INPP4B: variants seen among roughly 807,000 people sequenced by gnomAD.
INPP4B encodes inositol polyphosphate 4-phosphatase type II.
Under a neutral mutation model 122.5 loss-of-function variants are expected in INPP4B, and 55 were observed. That is an observed-to-expected ratio of 0.45 (90% CI 0.36 to 0.56). The LOEUF is 0.56. Among genes scored for constraint, INPP4B ranks in the 20% least tolerant of loss-of-function variants. The pLI is 0.00. For missense variants in INPP4B, 1,000 were observed against 1,097.7 expected (o/e 0.91, Z 1.26); for synonymous variants, 403 against 388.7 (o/e 1.04, Z -0.43).
intron 9 of INPP4B, among the ~76,000 whole-genome samples, chr4:142,271,503 T>G (rs1409267261): frequency 6.6e-6 from 1 of 152,218 alleles, no homozygotes; most frequent in Non-Finnish European, 1.5e-5. Flanking sequence ...AGTATAAATA[T>G]TCTTATCTTC....
At chr4:142,515,864 T>A in intron 2 of INPP4B, among the ~76,000 whole-genome samples, 1 of 152,186 alleles carries the variant, frequency 6.6e-6, no homozygotes, top group South Asian at 2.1e-4. Context: ...AAAATTTAAA[T>A]GCTTGTTTTA....
chr4:142,771,037 C>T (rs1772981414), intron 1 of INPP4B, among the ~76,000 whole-genome samples: 1 of 152,116 alleles, frequency 6.6e-6, no homozygotes, highest in Non-Finnish European at 1.5e-5. Context: ...CCAGTATGGG[C>T]TACAGAGAAC....
intron 25 of INPP4B, among the ~76,000 whole-genome samples, chr4:142,036,012 A>G (rs1294709347): frequency 6.6e-6 from 1 of 152,054 alleles, no homozygotes; most frequent in African/African-American, 2.4e-5. Flanking sequence ...ATGGACAGTG[A>G]GCTTAGTACC....
chr4:142,460,414 T>C (rs1439974130), intron 3 of INPP4B, among the ~76,000 whole-genome samples: 2 of 152,190 alleles, frequency 1.3e-5, no homozygotes, highest in East Asian at 1.9e-4. Context: ...TGGTGTCAGA[T>C]AACATGCTCC....
chr4:142,270,518 T>C (rs1042104604), intron 10 of INPP4B, 145 bp downstream of exon 10: 8 of 641,766 alleles, frequency 1.2e-5, no homozygotes, highest in African/African-American at 7.3e-5. Flanking sequence ...GAAACACACA[T>C]ATTGTATTCC....
chr4:142,771,290 T>C (rs1773024683), intron 1 of INPP4B, among the ~76,000 whole-genome samples: 1 of 152,160 alleles, frequency 6.6e-6, no homozygotes, highest in South Asian at 2.1e-4. Flanking sequence ...GGCCATTGGA[T>C]AATGTAGTTA....
At chr4:142,226,850 G>T (rs1042243858) in intron 12 of INPP4B, among the ~76,000 whole-genome samples, 1 of 152,056 alleles carries the variant, frequency 6.6e-6, no homozygotes, top group African/African-American at 2.4e-5. Flanking sequence ...AAAAACAAAA[G>T]GACATGTTCT....
chr4:142,209,357 T>G (rs184844051), intron 12 of INPP4B, among the ~76,000 whole-genome samples: 1 of 152,116 alleles, frequency 6.6e-6, no homozygotes, highest in African/African-American at 2.4e-5. Context: ...AAAACCTCTA[T>G]GTAAAGATGG....
chr4:142,481,133 CA>C (rs551228788), intron 2 of INPP4B, among the ~76,000 whole-genome samples: 5,927 of 57,834 alleles, frequency 0.1, 68 homozygotes, highest in East Asian at 0.14. Flanking sequence ...GACTCTGTCT[CA>C]AAAAAAAAAA....
chr4:142,387,573 G>C (rs1178924880), intron 7 of INPP4B, among the ~76,000 whole-genome samples: 1 of 152,036 alleles, frequency 6.6e-6, no homozygotes, highest in Non-Finnish European at 1.5e-5. Flanking sequence ...TAGGTCACTA[G>C]GGCCACTCAG....
intron 11 of INPP4B, among the ~76,000 whole-genome samples, chr4:142,257,550 A>G (rs1736955217): frequency 1.3e-5 from 2 of 152,036 alleles, no homozygotes; most frequent in Admixed American, 1.3e-4. Context: ...AAGCATTCTT[A>G]TACACCAATA....
intron 9 of INPP4B, among the ~76,000 whole-genome samples, chr4:142,291,042 G>A (rs933581664): frequency 2.0e-5 from 3 of 152,102 alleles, no homozygotes; most frequent in Non-Finnish European, 4.4e-5. Context: ...TATAGATGAG[G>A]CTGTGAAAAG....
At chr4:142,728,137 G>A (rs868071364) in intron 1 of INPP4B, among the ~76,000 whole-genome samples, 36 of 152,278 alleles carry the variant, frequency 2.4e-4, no homozygotes, top group Middle Eastern at 3.4e-3. Context: ...AGTGGTCAGA[G>A]GATGTCAAAG....
chr4:142,033,445 A>G (rs959456198), intron 25 of INPP4B, among the ~76,000 whole-genome samples: 13 of 152,076 alleles, frequency 8.5e-5, no homozygotes, highest in African/African-American at 2.2e-4. Context: ...AATGTAGGGG[A>G]AAAAAGCAGC....
intron 11 of INPP4B, among the ~76,000 whole-genome samples, chr4:142,240,470 T>A (rs1180624580): frequency 6.6e-6 from 1 of 152,164 alleles, no homozygotes; most frequent in Non-Finnish European, 1.5e-5. Flanking sequence ...CAGGTACACA[T>A]CATCCAAGGA....
At chr4:142,517,354 A>C (rs1825539492) in intron 2 of INPP4B, among the ~76,000 whole-genome samples, 1 of 152,120 alleles carries the variant, frequency 6.6e-6, no homozygotes, top group Non-Finnish European at 1.5e-5. Context: ...CTTTGAGTTG[A>C]ATGACCATGC....
chr4:142,234,136 T>G (rs936503537), intron 12 of INPP4B, among the ~76,000 whole-genome samples: 10 of 152,292 alleles, frequency 6.6e-5, no homozygotes, highest in African/African-American at 7.2e-5. Context: ...TTTATCAAGT[T>G]TTTGCACTAA....
intron 23 of INPP4B, among the ~76,000 whole-genome samples, chr4:142,097,498 C>T (rs1782482642): frequency 6.6e-6 from 1 of 151,950 alleles, no homozygotes; most frequent in Non-Finnish European, 1.5e-5. Context: ...CTCAGGTGAT[C>T]CACCCACCTC....
intron 3 of INPP4B, among the ~76,000 whole-genome samples, chr4:142,452,929 C>T (rs1305064925): frequency 6.6e-6 from 1 of 152,068 alleles, no homozygotes; most frequent in South Asian, 2.1e-4. Context: ...AAATGGAACA[C>T]GAGCATTATA....
Sources: allele counts gnomAD v4.1 joint callset (sites outside exome capture counted in the v4.1 genomes callset), GRCh38; gene constraint gnomAD v4.1.1; transcripts MANE v1.5; gene names NCBI Gene and HGNC (gene_info 2026-07-23, HGNC 2026-07-21).